Variants in AGTPBP1 observed in about 807,000 individuals in gnomAD.
AGTPBP1 encodes cytosolic carboxypeptidase 1.
In AGTPBP1, 70 loss-of-function variants were observed where a neutral mutation model predicts 143.9. The observed-to-expected ratio is 0.49, with a 90% CI of 0.40 to 0.59. The LOEUF (loss-of-function observed/expected upper bound fraction) is 0.59. AGTPBP1 is among the 20% of genes least tolerant of loss of function. The probability of loss-of-function intolerance (pLI) is 0.00; values close to 1 mark genes in which losing one functional copy is unlikely to be tolerated. For synonymous variants in AGTPBP1, 463 were observed against 500.2 expected (o/e 0.93, Z 0.99); for missense variants, 1,229 against 1,464.5 (o/e 0.84, Z 2.62).
Position 85,592,712 on chromosome 9 carries a change from A to G in AGTPBP1, c.2424-8T>C, listed in dbSNP as rs775500700. On this transcript the variant is annotated splice_polypyrimidine_tract_variant and splice_region_variant and intron_variant, in intron 18 of 25. Coordinates refer to ENST00000357081, the MANE Select transcript of AGTPBP1 (RefSeq NM_001330701.2). ...CTTCTTGAGAAATGATTTCTGCAAT[A>G]AAAACGCATAAAACATGTTCATTTC... 19 of 1,609,350 alleles carry G rather than the reference A, an allele frequency of 1.2e-5. No homozygotes were observed. Among genetic ancestry groups the G allele is most frequent in the African/African-American group, 1.3e-5 (1 of 74,680 alleles).
intron 1 of AGTPBP1, among the ~76,000 whole-genome samples, chr9:85,719,038 T>G (rs539289848): frequency 6.6e-6 from 1 of 152,340 alleles, no homozygotes; most frequent in East Asian, 1.9e-4. Flanking sequence ...ATCCCTGTTT[T>G]GGTACCAGTA....
chr9:85,564,537 C>T (rs1266873859), intron 25 of AGTPBP1, among the ~76,000 whole-genome samples: 2 of 152,190 alleles, frequency 1.3e-5, no homozygotes, highest in Non-Finnish European at 2.9e-5. Flanking sequence ...AATTATAATA[C>T]CATATTTTTA....
At chr9:85,638,231 T>A (rs1482000775) in intron 13 of AGTPBP1, among the ~76,000 whole-genome samples, 1 of 152,166 alleles carries the variant, frequency 6.6e-6, no homozygotes, top group East Asian at 1.9e-4. Context: ...CTGATTTACT[T>A]TAGACTTTGA....
intron 4 of AGTPBP1, among the ~76,000 whole-genome samples, chr9:85,679,476 C>T (rs867602246): frequency 5.3e-5 from 8 of 152,122 alleles, no homozygotes; most frequent in Middle Eastern, 3.4e-3. Context: ...GGCGCAATCT[C>T]GGCTCACTGC....
chr9:85,776,390 G>A, the AGTPBP1 span, among the ~76,000 whole-genome samples: 5 of 152,158 alleles, frequency 3.3e-5, no homozygotes, highest in Non-Finnish European at 7.3e-5. Flanking sequence ...TTTGCCTTTA[G>A]CAAGCACCTC....
intron 6 of AGTPBP1, among the ~76,000 whole-genome samples, chr9:85,676,598 G>A (rs763933164): frequency 3.9e-5 from 6 of 152,024 alleles, no homozygotes; most frequent in Non-Finnish European, 8.8e-5. Flanking sequence ...AAAAATCTAA[G>A]TTACTACAGC....
At chr9:85,601,429 C>T (rs13284761) in intron 17 of AGTPBP1, among the ~76,000 whole-genome samples, 2 of 152,170 alleles carry the variant, frequency 1.3e-5, no homozygotes, top group Admixed American at 1.3e-4. Flanking sequence ...GATCACTCAG[C>T]CATGTCAACC....
intron 2 of AGTPBP1, among the ~76,000 whole-genome samples, chr9:85,697,461 T>G (rs1305353785): frequency 7.3e-5 from 10 of 137,272 alleles, no homozygotes; most frequent in Admixed American, 1.4e-4. Context: ...TTTTTTTTTT[T>G]TTTTTTTTTG....
Position 85,608,156 on chromosome 9 carries a change from C to T in AGTPBP1, c.2335+10827G>A, listed in dbSNP as rs528069458. On this transcript the variant is annotated intron_variant, in intron 17 of 25. Transcript: ENST00000357081. ...ATGAGCAAAGATATAGAGGATGGAA[C>T]AACAGAATTGGGGTTGAAATCTTTA... is the stretch of plus-strand genomic sequence containing the variant. Among the ~76,000 whole-genome samples, 10 of 151,982 alleles carry T rather than the reference C, an allele frequency of 6.6e-5. No individual in the cohort carries two copies. The South Asian group carries it at 1.9e-3, about 28-fold the overall frequency.
rs558511830 is a variant in AGTPBP1, at chr9:85,679,889, T to C, written c.225+1379A>G. ...AAAAGCCTTCTTTGTTGTAAGATTA[T>C]TTTAAAATTCATCTCTCTTTCTCTA... On this transcript the variant is annotated intron_variant, in intron 4 of 25. Coordinates refer to ENST00000357081, the MANE Select transcript of AGTPBP1 (RefSeq NM_001330701.2). 2.6e-5 allele frequency among the ~76,000 whole-genome samples: 4 copies of C among 152,320 alleles called. No individual in the cohort carries two copies. The South Asian group carries it at 6.2e-4, about 24-fold the overall frequency.
the AGTPBP1 span, among the ~76,000 whole-genome samples, chr9:85,771,130 A>G: frequency 4.6e-5 from 7 of 152,164 alleles, no homozygotes; most frequent in African/African-American, 1.7e-4. Context: ...CAATGAGATA[A>G]CTCTTCTCTG....
chr9:85,550,838 C>T (rs1260139374), intron 25 of AGTPBP1, among the ~76,000 whole-genome samples: 1 of 152,172 alleles, frequency 6.6e-6, no homozygotes, highest in Non-Finnish European at 1.5e-5. Context: ...CCTCACATTT[C>T]ATACTGCAAG....
At chr9:85,724,751 T>TGG (rs1230887500) in intron 1 of AGTPBP1, among the ~76,000 whole-genome samples, 1 of 152,206 alleles carries the variant, frequency 6.6e-6, no homozygotes, top group East Asian at 1.9e-4. Context: ...CTCTTTCCAC[T>TGG]GGAATTAAAG....
At chr9:85,553,463 T>TC (rs893019541) in intron 25 of AGTPBP1, among the ~76,000 whole-genome samples, 2 of 152,238 alleles carry the variant, frequency 1.3e-5, no homozygotes, top group African/African-American at 2.4e-5. Flanking sequence ...GTTCTGAGTA[T>TC]GTTTAATGTA....
At chr9:85,774,162 T>A in the AGTPBP1 span, 1 of 707,196 alleles carries the variant, frequency 1.4e-6, no homozygotes, top group South Asian at 1.8e-5. Context: ...GACAAGTTTT[T>A]GGGCTTTACA....
the AGTPBP1 span, among the ~76,000 whole-genome samples, chr9:85,759,655 C>G: frequency 1.3e-5 from 2 of 151,832 alleles, no homozygotes; most frequent in African/African-American, 4.8e-5. Context: ...ACTAAATGCC[C>G]ACAAGAGAAA....
chr9:85,740,661 A>G (rs1824194395), intron 1 of AGTPBP1, among the ~76,000 whole-genome samples: 2 of 152,344 alleles, frequency 1.3e-5, no homozygotes, highest in East Asian at 3.9e-4. Context: ...TTCACAAAGG[A>G]TAATTTGATT....
intron 4 of AGTPBP1, among the ~76,000 whole-genome samples, chr9:85,679,297 GCTCAAT>G (rs1835020202): frequency 6.6e-6 from 1 of 152,236 alleles, no homozygotes; most frequent in South Asian, 2.1e-4. Flanking sequence ...TAAAAGTAAT[GCTCAAT>G]CTCAAGTGAC....
At chr9:85,634,195 A>C (rs11141046) in intron 13 of AGTPBP1, among the ~76,000 whole-genome samples, 1 of 133,478 alleles carries the variant, frequency 7.5e-6, no homozygotes, top group Non-Finnish European at 1.6e-5. Flanking sequence ...CTCTCTCTCA[A>C]AAAAAAAAAA....
Sources: allele counts gnomAD v4.1 joint callset (sites outside exome capture counted in the v4.1 genomes callset), GRCh38; gene constraint gnomAD v4.1.1; transcripts MANE v1.5; gene names NCBI Gene and HGNC (gene_info 2026-07-23, HGNC 2026-07-21).